Variants in GNA12 observed in about 807,000 individuals in gnomAD.
GNA12 encodes G protein subunit alpha 12.
A neutral mutation model predicts 26.0 loss-of-function variants in GNA12; 9 were observed. The observed-to-expected ratio is 0.35, with a 90% CI of 0.21 to 0.60. GNA12 has a LOEUF of 0.60. GNA12 is among the 20% of genes least tolerant of loss of function. GNA12 has a pLI of 0.78. For missense variants in GNA12, 405 were observed against 525.8 expected, an observed-to-expected ratio of 0.77 and a Z score of 2.25; for synonymous variants, 264 against 219.6, an observed-to-expected ratio of 1.20 and a Z score of -1.79.
chr7:2,798,322 T>C (rs372493076), intron 1 of GNA12, among the ~76,000 whole-genome samples: 2 of 152,136 alleles, frequency 1.3e-5, no homozygotes, highest in Admixed American at 1.3e-4. Context: ...AATAAACAAA[T>C]GAATCCAGAA....
At chr7:2,797,076 A>G (rs1792694596) in intron 1 of GNA12, among the ~76,000 whole-genome samples, 1 of 152,216 alleles carries the variant, frequency 6.6e-6, no homozygotes, top group Non-Finnish European at 1.5e-5. Flanking sequence ...TGAGGGACTC[A>G]GGCCAGCTGA....
At chr7:2,743,320 G>C (rs1034058014) in intron 2 of GNA12, among the ~76,000 whole-genome samples, 1 of 152,142 alleles carries the variant, frequency 6.6e-6, no homozygotes, top group Admixed American at 6.5e-5. Context: ...TGGATGAACA[G>C]AACAGGATTT....
intron 2 of GNA12, among the ~76,000 whole-genome samples, chr7:2,734,338 T>G (rs1790051189): frequency 6.6e-6 from 1 of 152,156 alleles, no homozygotes; most frequent in Non-Finnish European, 1.5e-5. Context: ...CCACTTTCTA[T>G]AAGATTCCAC....
chr7:2,793,100 C>T (rs931142737), intron 2 of GNA12, among the ~76,000 whole-genome samples: 2 of 152,134 alleles, frequency 1.3e-5, no homozygotes, highest in Non-Finnish European at 2.9e-5. Context: ...ATCCTGATGA[C>T]GAGAAAATAC....
chr7:2,800,122 T>C (rs1792772520), intron 1 of GNA12, among the ~76,000 whole-genome samples: 1 of 152,238 alleles, frequency 6.6e-6, no homozygotes, highest in Non-Finnish European at 1.5e-5. Flanking sequence ...CAAGCTGTGG[T>C]GCACCATACC....
At position 2,731,106 on chromosome 7, in the gene GNA12, G is replaced by T; in HGVS notation, c.*75C>A. 1 of 1,004,548 alleles carries T rather than the reference G, an allele frequency of 1.0e-6. No individual in the cohort carries two copies. The highest frequency in any genetic ancestry group is 1.5e-5 in the South Asian group (1 of 68,948). The allele number at this position is 1,004,548 out of a possible 1,614,324, so 62.2% of individuals were successfully genotyped here. ...GAGAAACCCACTCAAGGACCACACA[G>T]ACAACACACACCCAAGAGTCTGACC... On this transcript the variant is annotated 3_prime_UTR_variant, in exon 4 of 4. Coordinates refer to ENST00000275364, the MANE Select transcript of GNA12 (RefSeq NM_007353.3). This position sits in a 1 kb window ranked among gnomAD's most constrained non-coding sequence, Gnocchi z 6.0.
chr7:2,754,029 A>G (rs1227514273), intron 2 of GNA12, among the ~76,000 whole-genome samples: 1 of 152,242 alleles, frequency 6.6e-6, no homozygotes, highest in Non-Finnish European at 1.5e-5. Context: ...CCTTAAGTTC[A>G]GCGTTACTCT....
intron 2 of GNA12, among the ~76,000 whole-genome samples, chr7:2,780,742 T>C (rs1219080251): frequency 6.6e-6 from 1 of 152,242 alleles, no homozygotes; most frequent in African/African-American, 2.4e-5. Flanking sequence ...TCTGCTCATT[T>C]TTCCTGCAGC....
At chr7:2,770,725 T>C (rs1159699847) in intron 2 of GNA12, among the ~76,000 whole-genome samples, 1 of 152,136 alleles carries the variant, frequency 6.6e-6, no homozygotes, top group African/African-American at 2.4e-5. Flanking sequence ...ACATGGATGC[T>C]TCACTGGGCA....
chr7:2,817,115 T>C (rs971828799), intron 1 of GNA12, among the ~76,000 whole-genome samples: 6 of 152,246 alleles, frequency 3.9e-5, no homozygotes, highest in African/African-American at 1.2e-4. Flanking sequence ...TTTTTATTTA[T>C]TTATTTTTGA....
At chr7:2,772,682 T>A (rs1324474554) in intron 2 of GNA12, among the ~76,000 whole-genome samples, 4 of 152,128 alleles carry the variant, frequency 2.6e-5, no homozygotes, top group Non-Finnish European at 5.9e-5. Context: ...CAATGCCAAG[T>A]GTTGGTTAGA....
At chr7:2,735,262 C>T (rs1023083694) in intron 2 of GNA12, among the ~76,000 whole-genome samples, 5 of 152,240 alleles carry the variant, frequency 3.3e-5, no homozygotes, top group African/African-American at 1.2e-4. Flanking sequence ...CACGGGCTCC[C>T]CCAGGGAGCT....
intron 1 of GNA12, among the ~76,000 whole-genome samples, chr7:2,829,806 A>G (rs988803860): frequency 6.6e-6 from 1 of 152,050 alleles, no homozygotes; most frequent in African/African-American, 2.4e-5. Context: ...CTGTTCTCAG[A>G]CGTGCTCGAG....
chr7:2,818,770 A>C (rs1793278820), intron 1 of GNA12, among the ~76,000 whole-genome samples: 2 of 151,442 alleles, frequency 1.3e-5, no homozygotes, highest in African/African-American at 4.9e-5. Context: ...AAAAAAAAAA[A>C]AAAAAGCAAA....
chr7:2,794,003 A>G (rs571244675), intron 2 of GNA12, among the ~76,000 whole-genome samples: 4 of 152,362 alleles, frequency 2.6e-5, no homozygotes, highest in South Asian at 4.1e-4. Context: ...GGAGCATCAG[A>G]CAGCAGTGAA....
chr7:2,736,372 C>A (rs377492660), intron 2 of GNA12, among the ~76,000 whole-genome samples: 4 of 152,094 alleles, frequency 2.6e-5, no homozygotes, highest in African/African-American at 9.7e-5. Flanking sequence ...CTTGGACTTG[C>A]GGATTAAATG....
intron 1 of GNA12, among the ~76,000 whole-genome samples, chr7:2,831,360 G>T (rs928400908): frequency 6.6e-6 from 1 of 150,572 alleles, no homozygotes; most frequent in African/African-American, 2.4e-5. Flanking sequence ...GGGAAAAACA[G>T]TTCCTCTCCC....
At chr7:2,800,503 A>ACCACTG (rs773376244) in intron 1 of GNA12, among the ~76,000 whole-genome samples, 16 of 152,316 alleles carry the variant, frequency 1.1e-4, no homozygotes, top group Admixed American at 2.0e-4. Flanking sequence ...GTCTGTCATA[A>ACCACTG]CCACTGGGAA....
intron 2 of GNA12, among the ~76,000 whole-genome samples, chr7:2,780,093 T>TATATATATATATATATATATATAA: frequency 7.7e-6 from 1 of 130,140 alleles, no homozygotes; most frequent in African/African-American, 3.0e-5. Context: ...TATATATATA[T>TATATATATATATATATATATATAA]GCCTGTTTTC....
Sources: gnomAD v4.1 joint callset for allele counts (sites outside exome capture counted in the v4.1 genomes callset) on GRCh38, gnomAD v4.1.1 for gene constraint, Gnocchi (gnomAD v3.1) non-coding constraint, MANE v1.5 for transcripts, NCBI Gene and HGNC (gene_info 2026-07-23, HGNC 2026-07-21) for gene names.